CD8B2: variants seen among roughly 807,000 people sequenced by gnomAD.
CD8B2 encodes T-cell surface glycoprotein CD8 beta-2 chain.
A neutral mutation model predicts 23.7 loss-of-function variants in CD8B2; 11 were observed. That is an observed-to-expected ratio of 0.46 (90% CI 0.29 to 0.77). The LOEUF is 0.77. Ranked by LOEUF, CD8B2 falls within the 30% of genes least tolerant of loss-of-function variation. The probability of loss-of-function intolerance (pLI) is 0.09; values close to 1 mark genes in which losing one functional copy is unlikely to be tolerated. For missense variants in CD8B2, 197 were observed against 270.5 expected, an observed-to-expected ratio of 0.73 and a Z score of 1.91; for synonymous variants, 90 against 109.3, an observed-to-expected ratio of 0.82 and a Z score of 1.10.
At position 106,510,044 on chromosome 2, in the gene CD8B2, G is replaced by T. The variant is rs943601775; in HGVS notation, c.*3104G>T. 6.6e-6 allele frequency: 1 copy of T among 152,182 alleles called. No individual in the cohort carries two copies. The highest frequency in any genetic ancestry group is 2.4e-5 in the African/African-American group (1 of 41,452). 9.4% of individuals were successfully genotyped at this position (152,182 alleles called of 1,614,324 possible). ...AGATCCATATATGCTGATATCAAAT[G>T]ATGGTCATGACAAATGCATATATTT... On this transcript the variant is annotated 3_prime_UTR_variant, in exon 6 of 6. Coordinates refer to ENST00000643224, the MANE Select transcript of CD8B2 (RefSeq NM_001349727.2).
Position 106,502,504 on chromosome 2 carries a change from T to C in CD8B2, c.524T>C (p.Leu175Pro), listed in dbSNP as rs1228871302. Residue 175 changes from leucine to proline, a missense_variant, in exon 4 of 6, where the codon CTG (leucine) becomes CCG (proline). This residue lies in a region of CD8B2 where 35 missense variants were observed against 82.9 expected (regional missense o/e 0.42). Transcript: ENST00000643224. ...CTTTGTAGCCCCGTCACCCTTGGCCTGCTGGTGGCTGGCGTCCTGGTTCTG... is the reference window on the plus strand; with the variant it reads ...CTTTGTAGCCCCGTCACCCTTGGCCCGCTGGTGGCTGGCGTCCTGGTTCTG... ...GPLCSPVTLG[L>P]LVAGVLVLLV... 79 of 1,584,058 alleles carry C rather than the reference T, an allele frequency of 5.0e-5. No homozygotes were observed. The highest frequency in any genetic ancestry group is 6.2e-5 in the Non-Finnish European group (72 of 1,164,080).
chr2:106,524,648 A>T (rs1220303091), intron 5 of CD8B2, among the ~76,000 whole-genome samples: 1 of 152,140 alleles, frequency 6.6e-6, no homozygotes, highest in Non-Finnish European at 1.5e-5. Context: ...TGGGTCTTAA[A>T]CTAAAGTTGC....
chr2:106,496,842 A>G (rs1573331261), intron 3 of CD8B2, among the ~76,000 whole-genome samples: 1 of 152,210 alleles, frequency 6.6e-6, no homozygotes, highest in Admixed American at 6.5e-5. Context: ...TTACATTATG[A>G]TAATGGTTGC....
chr2:106,515,947 C>T (rs537422516), downstream of CD8B2, among the ~76,000 whole-genome samples: 5 of 152,164 alleles, frequency 3.3e-5, no homozygotes, highest in South Asian at 2.1e-4. Context: ...CTCAGCCTCC[C>T]GAGTAGGTGG....
At chr2:106,517,615 C>G (rs939174853) in intron 5 of CD8B2, among the ~76,000 whole-genome samples, 2 of 152,068 alleles carry the variant, frequency 1.3e-5, no homozygotes, top group Admixed American at 1.3e-4. Context: ...CTGGGGTTGC[C>G]CAGGGGAGGT....
intron 2 of CD8B2, among the ~76,000 whole-genome samples, chr2:106,494,519 T>G (rs904297793): frequency 5.3e-5 from 8 of 152,006 alleles, no homozygotes; most frequent in African/African-American, 1.9e-4. Context: ...GTTCATGGTG[T>G]CTCCTTACTC....
rs374891477 is a variant in CD8B2 at position 106,503,660 on chromosome 2, C to T, written c.584-629C>T. On this transcript the variant is annotated intron_variant, in intron 4 of 5. Coordinates refer to ENST00000643224, the MANE Select transcript of CD8B2 (RefSeq NM_001349727.2). ...ATTAAATGTGCTTCAAAATGAAAAG[C>T]AAGTTGGGTGTAGTGGCAAGTGCCC... 4.3e-3 allele frequency among the ~76,000 whole-genome samples: 647 copies of T among 150,488 alleles called. 6 individuals carry two copies. Among genetic ancestry groups the T allele is most frequent in the African/African-American group, 0.015 (600 of 40,018 alleles).
At chr2:106,497,282 T>C (rs1462945064) in intron 3 of CD8B2, among the ~76,000 whole-genome samples, 2 of 152,196 alleles carry the variant, frequency 1.3e-5, no homozygotes, top group Non-Finnish European at 1.5e-5. Context: ...CAAAAAAAAG[T>C]TTCCAGTTTT....
intron 5 of CD8B2, among the ~76,000 whole-genome samples, chr2:106,535,918 T>C (rs1032848271): frequency 6.6e-6 from 1 of 152,020 alleles, no homozygotes; most frequent in Admixed American, 6.6e-5. Flanking sequence ...TCTGCTCTGC[T>C]CCTGGGGAGA....
At chr2:106,528,036 A>G (rs1042313297) in intron 5 of CD8B2, among the ~76,000 whole-genome samples, 3 of 152,218 alleles carry the variant, frequency 2.0e-5, no homozygotes, top group African/African-American at 7.2e-5. Context: ...ACGTGGGTAC[A>G]AGCTATAATT....
intron 2 of CD8B2, among the ~76,000 whole-genome samples, chr2:106,495,302 T>G (rs1044121959): frequency 6.6e-6 from 1 of 151,648 alleles, no homozygotes; most frequent in African/African-American, 2.4e-5. Context: ...GAGCCCGAGG[T>G]GAGTGGATTG....
intron 2 of CD8B2, among the ~76,000 whole-genome samples, chr2:106,495,253 C>T (rs1052764137): frequency 6.0e-5 from 9 of 149,246 alleles, no homozygotes; most frequent in South Asian, 4.3e-4. Context: ...GTAGGTCGGC[C>T]GGGTGCGGTG....
downstream of CD8B2, among the ~76,000 whole-genome samples, chr2:106,512,994 T>C (rs949244191): frequency 4.6e-5 from 7 of 152,018 alleles, no homozygotes; most frequent in African/African-American, 9.7e-5. Context: ...GAGGCCAGAA[T>C]TGAAATGAAT....
rs181313864 is a variant in CD8B2 at position 106,542,300 on chromosome 2, T to G, written c.621-1692T>G. 1.1e-3 allele frequency among the ~76,000 whole-genome samples: 168 copies of G among 152,350 alleles called. 1 individual carries two copies. Among genetic ancestry groups the G allele is most frequent in the African/African-American group, 3.9e-3 (162 of 41,576 alleles). On this transcript the variant is annotated intron_variant, in intron 5 of 5. Coordinates refer to the CD8B2 transcript ENST00000416057. ...GCTCACTGCGGGCAGTAACTAGATC[T>G]GACTTCTCTTGCCATCTTTGGAAAC...
chr2:106,488,723 C>G (rs1679130749), intron 1 of CD8B2, among the ~76,000 whole-genome samples: 1 of 152,226 alleles, frequency 6.6e-6, no homozygotes, highest in Non-Finnish European at 1.5e-5. Flanking sequence ...TCCTGAGTCT[C>G]TCTTTCCTCA....
At chr2:106,525,424 A>G (rs888678620) in intron 5 of CD8B2, among the ~76,000 whole-genome samples, 1 of 152,190 alleles carries the variant, frequency 6.6e-6, no homozygotes, top group Admixed American at 6.5e-5. Flanking sequence ...TGGTCTACTG[A>G]AGCATCATAC....
At chr2:106,495,733 T>C (rs1679286806) in intron 2 of CD8B2, among the ~76,000 whole-genome samples, 2 of 152,060 alleles carry the variant, frequency 1.3e-5, no homozygotes, top group South Asian at 4.2e-4. Context: ...CTTCAAGCCC[T>C]GTAGCAGCCT....
chr2:106,487,415 G>A lies in CD8B2; in HGVS notation c.-12G>A, dbSNP rs1486198837. The A allele has an allele frequency of 8.9e-6, 11 of 1,237,188 alleles. No individual in the cohort carries two copies. Among genetic ancestry groups the A allele is most frequent in the Non-Finnish European group, 1.1e-5 (11 of 990,798 alleles). The allele number at this position is 1,237,188 out of a possible 1,614,324, so 76.6% of individuals were successfully genotyped here. A position where few individuals can be genotyped will look rare whatever the true frequency, so the allele number is the denominator to read the frequency against. On this transcript the variant is annotated 5_prime_UTR_variant, in exon 1 of 6. Transcript: ENST00000643224. ...CCGAGCCCCCGGGGCCAGGTGTCCC[G>A]GGCGCGCCCCGATGCGGCCGCGGCT... is the stretch of plus-strand genomic sequence containing the variant.
downstream of CD8B2, among the ~76,000 whole-genome samples, chr2:106,512,928 G>A (rs1679661386): frequency 6.6e-6 from 1 of 152,154 alleles, no homozygotes; most frequent in African/African-American, 2.4e-5. Flanking sequence ...CAGGGCCGAG[G>A]CCTGTAGGGG....
Sources: gnomAD v4.1 joint callset for allele counts (sites outside exome capture counted in the v4.1 genomes callset) on GRCh38, gnomAD v4.1.1 for gene constraint, gnomAD v4.1.1 regional missense constraint, MANE v1.5 for transcripts, NCBI Gene and HGNC (gene_info 2026-07-23, HGNC 2026-07-21) for gene names.